Variants in FSTL4 observed in about 807,000 individuals in gnomAD.
FSTL4 encodes follistatin like 4.
In FSTL4, 28 loss-of-function variants were observed where a neutral mutation model predicts 78.2. That is an observed-to-expected ratio of 0.36 (90% CI 0.27 to 0.49). FSTL4 has a LOEUF of 0.49. FSTL4 is among the 20% of genes least tolerant of loss of function. The pLI is 0.98. For missense variants in FSTL4, 922 were observed against 1,084.9 expected, an observed-to-expected ratio of 0.85 and a Z score of 2.11; for synonymous variants, 422 against 440.5, an observed-to-expected ratio of 0.96 and a Z score of 0.53.
intron 4 of FSTL4, among the ~76,000 whole-genome samples, chr5:133,357,169 T>C (rs73263740): frequency 0.016 from 2,491 of 152,162 alleles, 59 homozygotes; most frequent in African/African-American, 0.056. Context: ...GGACAGCATG[T>C]TTGAGATTTG....
intron 12 of FSTL4, among the ~76,000 whole-genome samples, chr5:133,218,777 T>C (rs1750997623): frequency 6.6e-6 from 1 of 152,228 alleles, no homozygotes; most frequent in Admixed American, 6.5e-5. Context: ...CAGCTCTCCT[T>C]GTACCCTTAC....
chr5:133,514,876 T>A (rs1482081455), intron 3 of FSTL4, among the ~76,000 whole-genome samples: 1 of 152,236 alleles, frequency 6.6e-6, no homozygotes, highest in East Asian at 1.9e-4. Context: ...GGGAAAGTAC[T>A]TTTATTTAGG....
chr5:133,653,484 C>A, the FSTL4 span, among the ~76,000 whole-genome samples: 5 of 152,166 alleles, frequency 3.3e-5, no homozygotes, highest in Admixed American at 6.6e-5. Context: ...CCTGCTCCAA[C>A]TCAGGCCCCT....
At chr5:133,397,457 C>T (rs1415745230) in intron 4 of FSTL4, among the ~76,000 whole-genome samples, 1 of 152,196 alleles carries the variant, frequency 6.6e-6, no homozygotes, top group Admixed American at 6.5e-5. Flanking sequence ...TGGTTGATTT[C>T]CCGTACATGC....
chr5:133,816,649 A>T, the FSTL4 span, among the ~76,000 whole-genome samples: 2 of 152,224 alleles, frequency 1.3e-5, no homozygotes, highest in Non-Finnish European at 2.9e-5. Flanking sequence ...AGTAACAGAT[A>T]AAATATTGTA....
intron 3 of FSTL4, among the ~76,000 whole-genome samples, chr5:133,566,111 A>G (rs965455801): frequency 9.2e-5 from 14 of 152,354 alleles, no homozygotes; most frequent in Admixed American, 6.5e-4. Context: ...GCAAATGGGA[A>G]TGTAAGCCAG....
At chr5:133,371,321 C>T (rs1000431383) in intron 4 of FSTL4, among the ~76,000 whole-genome samples, 16 of 152,234 alleles carry the variant, frequency 1.1e-4, no homozygotes, top group African/African-American at 3.6e-4. Context: ...AGGCCCTCAC[C>T]GCAAGAGGCA....
intron 6 of FSTL4, among the ~76,000 whole-genome samples, chr5:133,311,695 C>T (rs897739429): frequency 6.6e-6 from 1 of 152,204 alleles, no homozygotes; most frequent in African/African-American, 2.4e-5. Flanking sequence ...GGATACCAGG[C>T]TCTGTGGCTC....
chr5:133,364,948 C>T (rs1297785505), intron 4 of FSTL4, among the ~76,000 whole-genome samples: 1 of 152,106 alleles, frequency 6.6e-6, no homozygotes, highest in Non-Finnish European at 1.5e-5. Context: ...GTGAGCTTTC[C>T]ACTTCAATCC....
the FSTL4 span, among the ~76,000 whole-genome samples, chr5:133,626,601 T>C: frequency 6.6e-6 from 1 of 151,644 alleles, no homozygotes; most frequent in Admixed American, 6.6e-5. Flanking sequence ...TTTCGTTCAG[T>C]TTAATATATT....
the FSTL4 span, among the ~76,000 whole-genome samples, chr5:133,800,244 A>G: frequency 7.2e-6 from 1 of 138,230 alleles, no homozygotes; most frequent in Admixed American, 7.5e-5. Context: ...AGAGATGCAG[A>G]TGGGATAGAG....
the FSTL4 span, among the ~76,000 whole-genome samples, chr5:133,776,753 A>G: frequency 6.6e-6 from 1 of 152,142 alleles, no homozygotes; most frequent in African/African-American, 2.4e-5. Context: ...CAGGCTGGTG[A>G]AAAAGGTTTT....
chr5:133,619,542 C>A, the FSTL4 span, among the ~76,000 whole-genome samples: 2 of 152,300 alleles, frequency 1.3e-5, no homozygotes, highest in Non-Finnish European at 2.9e-5. Flanking sequence ...CTTTCCATGT[C>A]GAGATGCGTT....
At chr5:133,770,160 T>C in the FSTL4 span, among the ~76,000 whole-genome samples, 1 of 152,150 alleles carries the variant, frequency 6.6e-6, no homozygotes, top group Admixed American at 6.6e-5. Flanking sequence ...GTTGATTCCA[T>C]ATCTTTCCTA....
chr5:133,482,938 A>G (rs1193200986), intron 3 of FSTL4, among the ~76,000 whole-genome samples: 1 of 152,156 alleles, frequency 6.6e-6, no homozygotes, highest in Non-Finnish European at 1.5e-5. Context: ...GCTGTCATGG[A>G]CCAAAGCCAC....
At chr5:133,536,170 GT>G (rs1246753173) in intron 3 of FSTL4, among the ~76,000 whole-genome samples, 2 of 152,192 alleles carry the variant, frequency 1.3e-5, no homozygotes, top group Non-Finnish European at 2.9e-5. Flanking sequence ...AGTAGTATCT[GT>G]TTATTGTGGG....
At chr5:133,732,763 C>A in the FSTL4 span, among the ~76,000 whole-genome samples, 1 of 152,200 alleles carries the variant, frequency 6.6e-6, no homozygotes, top group Non-Finnish European at 1.5e-5. Flanking sequence ...AGAGCCCAGG[C>A]CTGCACGGCC....
At chr5:133,272,433 G>T (rs990668468) in intron 6 of FSTL4, among the ~76,000 whole-genome samples, 1 of 152,198 alleles carries the variant, frequency 6.6e-6, no homozygotes, top group African/African-American at 2.4e-5. Flanking sequence ...CGCGTGCAGC[G>T]CCGTGACGTG....
At chr5:133,839,932 A>C in the FSTL4 span, among the ~76,000 whole-genome samples, 1 of 152,232 alleles carries the variant, frequency 6.6e-6, no homozygotes, top group Non-Finnish European at 1.5e-5. Context: ...CATTTCTGCC[A>C]GCTACAGTGA....
Sources: allele counts gnomAD v4.1 joint callset (sites outside exome capture counted in the v4.1 genomes callset), GRCh38; gene constraint gnomAD v4.1.1; transcripts MANE v1.5; gene names NCBI Gene and HGNC (gene_info 2026-07-23, HGNC 2026-07-21).